OR1J2: variants seen among roughly 807,000 people sequenced by gnomAD.
The protein encoded by OR1J2 is olfactory receptor family 1 subfamily J member 2.
For missense variants in OR1J2, 304 were observed against 246.1 expected, an observed-to-expected ratio of 1.24 and a Z score of -1.57; for synonymous variants, 142 against 99.7, an observed-to-expected ratio of 1.42 and a Z score of -2.52.
the OR1J2 span, among the ~76,000 whole-genome samples, chr9:122,457,206 T>C: frequency 1.3e-5 from 2 of 151,946 alleles, no homozygotes; most frequent in Admixed American, 6.6e-5. Context: ...TAACACACAC[T>C]GGGGCCTCTC....
At chr9:122,491,272 C>T in the OR1J2 span, among the ~76,000 whole-genome samples, 6 of 151,872 alleles carry the variant, frequency 4.0e-5, no homozygotes, top group African/African-American at 1.5e-4. Context: ...GTATGAGGTA[C>T]CTATAGGTCA....
At chr9:122,556,408 C>T in the OR1J2 span, among the ~76,000 whole-genome samples, 1 of 151,488 alleles carries the variant, frequency 6.6e-6, no homozygotes, top group Admixed American at 6.6e-5. Flanking sequence ...GGGTCTATTT[C>T]TGGGCTCTTT....
At chr9:122,483,912 T>C in the OR1J2 span, among the ~76,000 whole-genome samples, 2 of 152,200 alleles carry the variant, frequency 1.3e-5, no homozygotes, top group Admixed American at 6.5e-5. Context: ...GAATTAGGTT[T>C]GTTCATTAGC....
the OR1J2 span, among the ~76,000 whole-genome samples, chr9:122,472,325 G>A: frequency 1.3e-5 from 2 of 152,208 alleles, no homozygotes; most frequent in Non-Finnish European, 2.9e-5. Flanking sequence ...AATTTTACAG[G>A]ACAAGTTATA....
the OR1J2 span, among the ~76,000 whole-genome samples, chr9:122,491,204 G>A: frequency 6.6e-6 from 1 of 152,160 alleles, no homozygotes; most frequent in Non-Finnish European, 1.5e-5. Flanking sequence ...GTGTATGGTT[G>A]TGCTATTCAC....
chr9:122,555,076 A>G, the OR1J2 span, among the ~76,000 whole-genome samples: 1 of 152,180 alleles, frequency 6.6e-6, no homozygotes, highest in Non-Finnish European at 1.5e-5. Context: ...TTATAGCTAC[A>G]TGTTTTGAAA....
the OR1J2 span, among the ~76,000 whole-genome samples, chr9:122,574,669 T>C: frequency 6.6e-6 from 1 of 152,152 alleles, no homozygotes; most frequent in Non-Finnish European, 1.5e-5. Context: ...TTCAAATCTG[T>C]ATATCTTTTA....
At chr9:122,467,268 T>A in the OR1J2 span, among the ~76,000 whole-genome samples, 1 of 152,232 alleles carries the variant, frequency 6.6e-6, no homozygotes, top group Non-Finnish European at 1.5e-5. Context: ...TACTTTTGTT[T>A]CACAGCCCAT....
chr9:122,452,147 G>A, the OR1J2 span, among the ~76,000 whole-genome samples: 1 of 152,120 alleles, frequency 6.6e-6, no homozygotes, highest in African/African-American at 2.4e-5. Context: ...CAAGGTGCTG[G>A]GATTACAGGT....
chr9:122,531,576 C>T, the OR1J2 span, among the ~76,000 whole-genome samples: 1 of 152,112 alleles, frequency 6.6e-6, no homozygotes, highest in African/African-American at 2.4e-5. Context: ...CAAGAACAGG[C>T]CTGAATTCTG....
chr9:122,459,243 G>C, the OR1J2 span, among the ~76,000 whole-genome samples: 1 of 152,180 alleles, frequency 6.6e-6, no homozygotes, highest in African/African-American at 2.4e-5. Context: ...GAGTGGTGCT[G>C]CAATAAACAT....
chr9:122,508,183 GGAAGAA>G (rs60283794), upstream of OR1J2, among the ~76,000 whole-genome samples: 3 of 149,050 alleles, frequency 2.0e-5, no homozygotes, highest in Admixed American at 2.0e-4. Flanking sequence ...AAGGAGAAGG[GGAAGAA>G]GAAGAAGAAG....
At chr9:122,554,242 T>A in the OR1J2 span, 1 of 1,097,486 alleles carries the variant, frequency 9.1e-7, no homozygotes, top group Non-Finnish European at 1.3e-6. Context: ...ACTACTGTCA[T>A]GTTGATATTA....
the OR1J2 span, chr9:122,568,050 A>G: frequency 1.2e-6 from 2 of 1,613,892 alleles, no homozygotes; most frequent in Admixed American, 3.3e-5. Flanking sequence ...CACCAGCAGG[A>G]CACAGTGGTG....
chr9:122,454,551 A>G, the OR1J2 span, among the ~76,000 whole-genome samples: 8 of 151,504 alleles, frequency 5.3e-5, no homozygotes, highest in Non-Finnish European at 1.0e-4. Context: ...TCCAGGTATT[A>G]TTTCCCATTT....
chr9:122,567,286 A>G, the OR1J2 span: 1 of 343,806 alleles, frequency 2.9e-6, no homozygotes. Context: ...GGATTAGATT[A>G]AAGCAGTTTT....
the OR1J2 span, among the ~76,000 whole-genome samples, chr9:122,569,386 G>A: frequency 4.8e-5 from 6 of 126,084 alleles, no homozygotes; most frequent in African/African-American, 1.2e-4. Flanking sequence ...TTTTCATCCC[G>A]ATCCAGTTAC....
the OR1J2 span, among the ~76,000 whole-genome samples, chr9:122,450,054 A>G: frequency 2.4e-4 from 36 of 152,290 alleles, no homozygotes; most frequent in Middle Eastern, 3.4e-3. Context: ...GTACAATGTG[A>G]TGTTTTGATC....
At chr9:122,554,040 G>T in the OR1J2 span, 1 of 1,613,774 alleles carries the variant, frequency 6.2e-7, no homozygotes, top group Non-Finnish European at 8.5e-7. Flanking sequence ...GGAAAGTAGG[G>T]CTGCTGTTCT....
Sources: allele counts gnomAD v4.1 joint callset (sites outside exome capture counted in the v4.1 genomes callset), GRCh38; gene constraint gnomAD v4.1.1; transcripts MANE v1.5; gene names NCBI Gene and HGNC (gene_info 2026-07-23, HGNC 2026-07-21).